The following PGAP3 variants were observed in gnomAD, a reference collection of about 807,000 sequenced individuals.
The protein encoded by PGAP3 is post-GPI attachment to proteins phospholipase 3.
A neutral mutation model predicts 40.3 loss-of-function variants in PGAP3; 31 were observed. The ratio of observed to expected loss-of-function variants is 0.77; its 90% CI spans 0.58 to 1.04. PGAP3 has a LOEUF of 1.04. Among genes scored for constraint, PGAP3 ranks in the 50% least tolerant of loss-of-function variants. The pLI is 0.00. For synonymous variants in PGAP3, 191 were observed against 184.5 expected, an observed-to-expected ratio of 1.04 and a Z score of -0.29; for missense variants, 413 against 423.0, an observed-to-expected ratio of 0.98 and a Z score of 0.21.
At position 39,673,013 on chromosome 17, in the gene PGAP3, C is replaced by T. The variant is rs2057326469; in HGVS notation, c.899+38G>A. ...CCCTAAGGAGTGGGCAAGGAAGGGT[C>T]CAAAGAAGGTGAGCACCAGGCAGGG... On this transcript the variant is annotated intron_variant, in intron 7 of 7. Transcript: ENST00000300658. 8 of 1,587,588 alleles carry T rather than the reference C, an allele frequency of 5.0e-6. No homozygotes were observed. In the East Asian group the frequency reaches 1.8e-4, roughly 36 times the overall value.
rs376437135 is a variant in PGAP3, at chr17:39,673,293, G to A, written c.695-38C>T. 405 of 1,553,868 alleles carry A rather than the reference G, an allele frequency of 2.6e-4. 2 individuals carry two copies. Among genetic ancestry groups the A allele is most frequent in the Middle Eastern group, 5.7e-4 (3 of 5,258 alleles). ...GGGGGCAGGAGAGACTCATTCCTTCGGCTCCTTCTCCCCAAGGCCACCCCC... is the reference window on the plus strand; with the variant it reads ...GGGGGCAGGAGAGACTCATTCCTTCAGCTCCTTCTCCCCAAGGCCACCCCC... On this transcript the variant is annotated intron_variant, in intron 6 of 7. Coordinates refer to ENST00000300658, the MANE Select transcript of PGAP3 (RefSeq NM_033419.5).
intron 3 of PGAP3, among the ~76,000 whole-genome samples, chr17:39,675,533 G>C (rs1003516803): frequency 8.5e-5 from 13 of 152,164 alleles, no homozygotes; most frequent in African/African-American, 2.9e-4. Flanking sequence ...AGGCCAGGCC[G>C]GGAATGGCCT....
At chr17:39,685,429 T>C (rs2057497759) in intron 2 of PGAP3, among the ~76,000 whole-genome samples, 1 of 150,240 alleles carries the variant, frequency 6.7e-6, no homozygotes, top group East Asian at 1.9e-4. Flanking sequence ...GAGGTAGAGG[T>C]TGCAGTGAGC....
chr17:39,672,524 A>C lies in PGAP3; in HGVS notation c.*279T>G. On this transcript the variant is annotated 3_prime_UTR_variant, in exon 8 of 8. Transcript: ENST00000300658. ...GGAAACAGGCAGCTGTCCTCCCGGT[A>C]GAGCTAAGAGCACACTCAGTTCCAC... is the stretch of plus-strand genomic sequence containing the variant. The C allele has an allele frequency of 2.0e-6, 1 of 501,066 alleles. No individual in the cohort carries two copies. 31.0% of individuals were successfully genotyped at this position (501,066 alleles called of 1,614,324 possible).
At position 39,674,071 on chromosome 17, in the gene PGAP3, G is replaced by A. The variant is rs1478604117; in HGVS notation, c.496-17C>T. The A allele has an allele frequency of 1.2e-6, 2 of 1,612,102 alleles. No individual in the cohort carries two copies. The highest frequency in any genetic ancestry group is 3.3e-5 in the Admixed American group (2 of 60,000). On this transcript the variant is annotated splice_polypyrimidine_tract_variant and intron_variant, in intron 4 of 7. Coordinates refer to ENST00000300658, the MANE Select transcript of PGAP3 (RefSeq NM_033419.5). The stretch of plus-strand genomic sequence containing the variant: ...GTCCATTTTCTGAGGACAGGGAAGG[G>A]TGGTGAGGGACCAGCATGAGGCTTC...
At chr17:39,674,429 C>G (rs1376242305) in intron 4 of PGAP3, among the ~76,000 whole-genome samples, 188 bp downstream of exon 4, 4 of 152,100 alleles carry the variant, frequency 2.6e-5, no homozygotes, top group African/African-American at 9.7e-5. Flanking sequence ...GCAAGAAGAG[C>G]GAATACTCAT....
intron 3 of PGAP3, among the ~76,000 whole-genome samples, chr17:39,680,851 T>C (rs1301783036): frequency 1.3e-5 from 2 of 152,078 alleles, no homozygotes; most frequent in African/African-American, 4.8e-5. Flanking sequence ...CCACAGCTTC[T>C]ATCACTGTCT....
rs1341296317 is a variant in PGAP3 at position 39,673,639 on chromosome 17, A to G, written c.569T>C (p.Leu190Pro). 1 of 1,613,852 alleles carries G rather than the reference A, an allele frequency of 6.2e-7. No individual in the cohort carries two copies. Among genetic ancestry groups the G allele is most frequent in the Non-Finnish European group, 8.5e-7 (1 of 1,180,010 alleles). Residue 190 changes from leucine (L) to proline (P), a missense_variant, in exon 6 of 8, where the codon CTG becomes CCG. Physicochemically the swap from Leu to Pro is moderately conservative, Grantham distance 98. Coordinates refer to ENST00000300658, the MANE Select transcript of PGAP3 (RefSeq NM_033419.5). ...GGCACTGACCACAGCTGGGTGCTGC[A>G]GCCCCACGGTCCTGCCCCACCGTCC... ...IYLCCVRTVG[L>P]QHPAVVSAFR... is the part of the protein sequence containing the mutation.
intron 3 of PGAP3, among the ~76,000 whole-genome samples, 153 bp downstream of exon 3, chr17:39,684,444 C>T (rs1452631023): frequency 6.6e-6 from 1 of 152,246 alleles, no homozygotes; most frequent in East Asian, 1.9e-4. Context: ...TCCCTGTTTT[C>T]TCCCCAGGCT....
chr17:39,672,974 G>C (rs2057325919), intron 7 of PGAP3, 77 bp downstream of exon 7: 1 of 1,576,772 alleles, frequency 6.3e-7, no homozygotes, highest in Admixed American at 1.8e-5. Flanking sequence ...TGGGCACACA[G>C]AGCCCCCAAT....
intron 3 of PGAP3, among the ~76,000 whole-genome samples, chr17:39,678,324 C>A (rs1745375806): frequency 6.6e-6 from 1 of 152,228 alleles, no homozygotes; most frequent in Non-Finnish European, 1.5e-5. Flanking sequence ...CTCCTCTCTA[C>A]ACCTGAGGAC....
At chr17:39,679,592 G>C (rs143894880) in intron 3 of PGAP3, among the ~76,000 whole-genome samples, 121 of 152,312 alleles carry the variant, frequency 7.9e-4, no homozygotes, top group Non-Finnish European at 7.1e-4. Flanking sequence ...GCAGACAGGT[G>C]TAACGTCCTC....
chr17:39,673,366 GC>G (rs1173987969), intron 6 of PGAP3, 111 bp from the exon 7 acceptor site: 1 of 1,545,972 alleles, frequency 6.5e-7, no homozygotes. Context: ...TCTCCTCCCA[GC>G]CTCCTCTCTC....
chr17:39,673,959 G>A (rs774937697), intron 5 of PGAP3, 34 bp downstream of exon 5: 19 of 1,607,852 alleles, frequency 1.2e-5, no homozygotes, highest in Admixed American at 1.7e-5. Flanking sequence ...CCCAGGGTTC[G>A]ATTTTGCCCC....
intron 4 of PGAP3, 138 bp downstream of exon 4, chr17:39,674,479 C>T: frequency 8.9e-6 from 8 of 895,940 alleles, no homozygotes; most frequent in East Asian, 2.7e-5. Context: ...AGGGCACCAA[C>T]AGGTTTAGGA....
intron 3 of PGAP3, among the ~76,000 whole-genome samples, chr17:39,682,158 A>C (rs373875058): frequency 1.4e-5 from 2 of 138,080 alleles, no homozygotes; most frequent in South Asian, 2.5e-4. Flanking sequence ...CCCGGAAGGC[A>C]GAGCTTGCAG....
chr17:39,676,507 T>C (rs2057377395), intron 3 of PGAP3: 1 of 152,254 alleles, frequency 6.6e-6, no homozygotes. Flanking sequence ...ACCGCCTCCC[T>C]GGGTGCCTTC....
intron 7 of PGAP3, 89 bp downstream of exon 7, chr17:39,672,962 G>A: frequency 6.4e-7 from 1 of 1,573,574 alleles, no homozygotes; most frequent in Non-Finnish European, 8.7e-7. Flanking sequence ...GGAGGGGGCG[G>A]ATGGGCACAC....
Position 39,674,663 on chromosome 17 carries a change from C to A in PGAP3, c.449G>T (p.Trp150Leu). 6.4e-7 allele frequency: 1 copy of A among 1,551,222 alleles called. No homozygotes were observed. The highest frequency in any genetic ancestry group is 8.7e-7 in the Non-Finnish European group (1 of 1,146,658). The change falls in exon 4 of 8, where the codon TGG (tryptophan) becomes TTG (leucine). Residue 150 changes from tryptophan (W) to leucine (L), a missense_variant. By Grantham distance (61) the Trp-to-Leu change is moderately conservative (BLOSUM62 -2). Transcript: ENST00000300658. ...VAFAWVSLNA[W>L]FWSTVFHTRD... Reference sequence around the variant, plus strand: ...GGTGTGGAAAACTGTGGACCAGAACCATGCATTGAGGGACACCTAAGGAGG... The same window carrying A: ...GGTGTGGAAAACTGTGGACCAGAACAATGCATTGAGGGACACCTAAGGAGG...
Sources: gnomAD v4.1 joint callset for allele counts (sites outside exome capture counted in the v4.1 genomes callset) on GRCh38, gnomAD v4.1.1 for gene constraint, MANE v1.5 for transcripts, NCBI Gene and HGNC (gene_info 2026-07-23, HGNC 2026-07-21) for gene names.